The following SMYD3 variants were observed in gnomAD, a reference collection of about 807,000 sequenced individuals.
SMYD3 encodes the protein SET and MYND domain containing 3.
Under a neutral mutation model 57.7 loss-of-function variants are expected in SMYD3, and 36 were observed. The observed-to-expected ratio is 0.62, with a 90% CI of 0.48 to 0.82. The LOEUF is 0.82. Ranked by LOEUF, SMYD3 falls within the 40% of genes least tolerant of loss-of-function variation. The pLI is 0.00. For missense variants in SMYD3, 515 were observed against 538.8 expected, an observed-to-expected ratio of 0.96 and a Z score of 0.44; for synonymous variants, 211 against 195.0, an observed-to-expected ratio of 1.08 and a Z score of -0.68.
At chr1:246,261,321 T>C (rs1346629478) in intron 5 of SMYD3, among the ~76,000 whole-genome samples, 1 of 151,670 alleles carries the variant, frequency 6.6e-6, no homozygotes, top group African/African-American at 2.4e-5. Context: ...CCTCCCAAAG[T>C]GCTGGGATTA....
intron 5 of SMYD3, among the ~76,000 whole-genome samples, chr1:246,295,197 G>A (rs952378676): frequency 1.3e-5 from 2 of 151,982 alleles, no homozygotes; most frequent in African/African-American, 2.4e-5. Flanking sequence ...GCCCACTCAC[G>A]CAGTCCCTAG....
chr1:246,139,406 G>A (rs945521106), intron 5 of SMYD3, among the ~76,000 whole-genome samples: 9 of 152,122 alleles, frequency 5.9e-5, no homozygotes, highest in Admixed American at 6.6e-5. Flanking sequence ...AATATTTAAT[G>A]ATTATTTTCC....
intron 5 of SMYD3, among the ~76,000 whole-genome samples, chr1:246,051,492 G>T (rs1355383562): frequency 1.3e-5 from 2 of 151,938 alleles, no homozygotes; most frequent in Non-Finnish European, 2.9e-5. Context: ...CTAAAACAGA[G>T]TAAAAATACT....
chr1:245,993,631 T>TAGATAGATAGAC (rs1436642900), intron 5 of SMYD3, among the ~76,000 whole-genome samples: 117 of 120,130 alleles, frequency 9.7e-4, no homozygotes, highest in East Asian at 1.6e-3. Flanking sequence ...GATAGATAGA[T>TAGATAGATAGAC]AGACAGACAG....
rs116047832 is a variant in SMYD3 at position 246,191,613 on chromosome 1, G to A, written c.531+135588C>T. On this transcript the variant is annotated intron_variant, in intron 5 of 11. Transcript: ENST00000490107. ...AAGATCAAACATATTTGAAATCAGA[G>A]AGATGTCTTTTGGGAACTGAACTCT... Among the ~76,000 whole-genome samples, 639 of 152,288 alleles carry A rather than the reference G, an allele frequency of 4.2e-3. 2 individuals carry two copies. The highest frequency in any genetic ancestry group is 7.0e-3 in the Non-Finnish European group (478 of 68,020).
chr1:246,313,712 TA>T (rs1286304187), intron 5 of SMYD3, among the ~76,000 whole-genome samples: 2 of 152,204 alleles, frequency 1.3e-5, no homozygotes, highest in Non-Finnish European at 2.9e-5. Context: ...CCTATGTCAT[TA>T]ATATCAAGTA....
chr1:246,506,997 C>CAA, intron 1 of SMYD3, 57 bp downstream of exon 1: 1 of 308,904 alleles, frequency 3.2e-6, no homozygotes, highest in Non-Finnish European at 4.7e-6. Flanking sequence ...ACGCCCCCCC[C>CAA]TCCCCAGCAC....
chr1:245,761,786 C>CTTCTT (rs2045853927), intron 11 of SMYD3, among the ~76,000 whole-genome samples: 1 of 115,720 alleles, frequency 8.6e-6, no homozygotes, highest in African/African-American at 3.7e-5. Flanking sequence ...CATATTGAGT[C>CTTCTT]TTTTTTTTTT....
intron 11 of SMYD3, among the ~76,000 whole-genome samples, chr1:245,752,808 C>T (rs931969101): frequency 2.0e-5 from 3 of 152,174 alleles, no homozygotes; most frequent in African/African-American, 7.2e-5. Flanking sequence ...GAGGAAAGAC[C>T]AGAAGGATCA....
chr1:246,256,641 TA>T (rs1197319956), intron 5 of SMYD3, among the ~76,000 whole-genome samples: 2 of 152,216 alleles, frequency 1.3e-5, no homozygotes, highest in African/African-American at 4.8e-5. Flanking sequence ...TTTTGTTGAT[TA>T]TATTAATTTC....
chr1:246,215,756 A>T (rs551176849), intron 5 of SMYD3, among the ~76,000 whole-genome samples: 1 of 152,168 alleles, frequency 6.6e-6, no homozygotes, highest in Admixed American at 6.5e-5. Context: ...AGCCAATGTC[A>T]CTTTCCTTTT....
chr1:245,865,815 C>T (rs2148499542), intron 8 of SMYD3, among the ~76,000 whole-genome samples: 1 of 152,332 alleles, frequency 6.6e-6, no homozygotes, highest in African/African-American at 2.4e-5. Flanking sequence ...CAGAACAGTT[C>T]ACTATGTCAT....
At chr1:245,810,112 C>T (rs1016075057) in intron 10 of SMYD3, among the ~76,000 whole-genome samples, 3 of 152,200 alleles carry the variant, frequency 2.0e-5, no homozygotes, top group Admixed American at 6.5e-5. Context: ...GGGCAGGAGG[C>T]GGCCTTGTCT....
At chr1:245,951,493 C>T (rs146173694) in intron 5 of SMYD3, among the ~76,000 whole-genome samples, 1,855 of 135,488 alleles carry the variant, frequency 0.014, 181 homozygotes, top group Middle Eastern at 0.061. Context: ...GGCGTGAACC[C>T]GGGAGGCAGA....
chr1:245,954,571 GA>G (rs1274948537), intron 5 of SMYD3, among the ~76,000 whole-genome samples: 1 of 152,198 alleles, frequency 6.6e-6, no homozygotes, highest in Admixed American at 6.5e-5. Flanking sequence ...AGCTACTCAG[GA>G]AGCTGAGGTG....
chr1:246,377,418 G>T (rs944621815), intron 1 of SMYD3, among the ~76,000 whole-genome samples: 20 of 148,208 alleles, frequency 1.3e-4, no homozygotes, highest in Non-Finnish European at 2.4e-4. Flanking sequence ...TGCCCAGGCT[G>T]GAGTGCAATG....
intron 1 of SMYD3, among the ~76,000 whole-genome samples, chr1:246,381,196 G>A (rs2066381090): frequency 1.3e-5 from 2 of 152,178 alleles, no homozygotes; most frequent in Admixed American, 6.5e-5. Flanking sequence ...CCAGAACTCA[G>A]TCACATGGCC....
chr1:246,375,325 C>CTTTT (rs60882470), intron 1 of SMYD3, among the ~76,000 whole-genome samples: 1 of 62,246 alleles, frequency 1.6e-5, no homozygotes, highest in African/African-American at 5.8e-5. Flanking sequence ...TAATGAGAGA[C>CTTTT]TTTTTTTTTT....
At chr1:245,996,718 T>C (rs964235363) in intron 5 of SMYD3, among the ~76,000 whole-genome samples, 4 of 152,088 alleles carry the variant, frequency 2.6e-5, no homozygotes, top group Admixed American at 2.6e-4. Context: ...CCAAAACAAA[T>C]GAAGTGCAAC....
Sources: allele counts gnomAD v4.1 joint callset (sites outside exome capture counted in the v4.1 genomes callset), GRCh38; gene constraint gnomAD v4.1.1; transcripts MANE v1.5; gene names NCBI Gene and HGNC (gene_info 2026-07-23, HGNC 2026-07-21).